The following POLA1 variants were observed in gnomAD, a reference collection of about 807,000 sequenced individuals.
The protein encoded by POLA1 is DNA polymerase alpha catalytic subunit.
POLA1 carries 15 observed loss-of-function variants against 124.0 expected under a neutral mutation model. The ratio of observed to expected loss-of-function variants is 0.12; its 90% CI spans 0.08 to 0.19. The LOEUF (loss-of-function observed/expected upper bound fraction) is 0.19, where lower values mean the gene tolerates loss of function less well. Among genes scored for constraint, POLA1 ranks in the 10% least tolerant of loss-of-function variants. POLA1 has a pLI of 1.00. For missense variants in POLA1, 886 were observed against 1,103.4 expected, an observed-to-expected ratio of 0.80 and a Z score of 2.79; for synonymous variants, 408 against 389.4, an observed-to-expected ratio of 1.05 and a Z score of -0.56.
intron 36 of POLA1, among the ~76,000 whole-genome samples, chrX:24,940,862 GGTGTGAAAATGCCA>G (rs986255012): frequency 9.0e-6 from 1 of 111,629 alleles, no homozygotes; most frequent in Non-Finnish European, 1.9e-5. Flanking sequence ...GTCAGTGAAC[GGTGTGAAAATGCCA>G]GTCCCATTTG....
At chrX:24,892,057 G>A (rs1035935607) in intron 35 of POLA1, among the ~76,000 whole-genome samples, 2 of 111,081 alleles carry the variant, frequency 1.8e-5, no homozygotes, top group Non-Finnish European at 1.9e-5. Context: ...CTGCTGGCTC[G>A]CATTGCCAGA....
intron 36 of POLA1, among the ~76,000 whole-genome samples, chrX:24,963,969 G>A (rs1487647403): frequency 9.0e-6 from 1 of 111,544 alleles, no homozygotes; most frequent in Non-Finnish European, 1.9e-5. Flanking sequence ...TTACTCTTAA[G>A]TTTTTCCCTA....
At chrX:24,866,122 C>G (rs1296729399) in intron 34 of POLA1, among the ~76,000 whole-genome samples, 1 of 111,940 alleles carries the variant, frequency 8.9e-6, no homozygotes, top group Admixed American at 9.4e-5. Context: ...ATTGAAGATT[C>G]AATTGAGAAA....
At chrX:24,903,386 C>A (rs1237742825) in intron 35 of POLA1, among the ~76,000 whole-genome samples, 2 of 112,399 alleles carry the variant, frequency 1.8e-5, no homozygotes, top group African/African-American at 6.5e-5. Context: ...TTTAGAAAGA[C>A]TGATTGGAAC....
intron 4 of POLA1, among the ~76,000 whole-genome samples, chrX:24,706,034 A>G (rs923054481): frequency 9.0e-6 from 1 of 111,586 alleles, no homozygotes; most frequent in African/African-American, 3.3e-5. Context: ...TTAATGCAAA[A>G]TAGGGGGTGA....
intron 1 of POLA1, among the ~76,000 whole-genome samples, chrX:24,694,293 G>T (rs1409530205): frequency 1.8e-5 from 2 of 112,420 alleles, no homozygotes; most frequent in Non-Finnish European, 3.8e-5. Context: ...CCACGTGCTG[G>T]GTATAACTTT....
chrX:24,928,563 TA>T (rs1258820678), intron 35 of POLA1, among the ~76,000 whole-genome samples: 2 of 112,238 alleles, frequency 1.8e-5, no homozygotes, highest in African/African-American at 6.5e-5. Context: ...GCAATTAACA[TA>T]AAAATATAAT....
chrX:24,991,454 T>A (rs2048534864), intron 36 of POLA1, among the ~76,000 whole-genome samples: 1 of 112,697 alleles, frequency 8.9e-6, no homozygotes, highest in Non-Finnish European at 1.9e-5. Context: ...TGGCATTCTT[T>A]ACATTGCTTT....
rs144339758 is a variant in POLA1, at chrX:24,945,647, G to T, written c.4261+15098G>T. Among the ~76,000 whole-genome samples the T allele has an allele frequency of 5.3e-3, 595 of 111,426 alleles. 3 individuals carry two copies. The highest frequency in any genetic ancestry group is 7.3e-3 in the Non-Finnish European group (386 of 53,073). The stretch of plus-strand genomic sequence containing the variant: ...AGTAGGTCTGGGGTGGGACCCAGGC[G>T]GCAGTGTATTTAAAAATCTCCGCAG... On this transcript the variant is annotated intron_variant, in intron 36 of 36. Coordinates refer to ENST00000379068, the MANE Select transcript of POLA1 (RefSeq NM_001330360.2).
At chrX:24,707,960 A>T (rs766083094) in intron 4 of POLA1, among the ~76,000 whole-genome samples, 1 of 112,220 alleles carries the variant, frequency 8.9e-6, no homozygotes, top group Non-Finnish European at 1.9e-5. Flanking sequence ...GTGCCACTGC[A>T]CTCCAGCCTG....
intron 32 of POLA1, among the ~76,000 whole-genome samples, chrX:24,836,211 A>T (rs1194258640): frequency 8.9e-6 from 1 of 111,963 alleles, no homozygotes; most frequent in Non-Finnish European, 1.9e-5. Flanking sequence ...TCCTTTCTGT[A>T]AATTCTGTAT....
chrX:24,813,216 G>A (rs2045933477), intron 29 of POLA1, among the ~76,000 whole-genome samples: 1 of 110,765 alleles, frequency 9.0e-6, no homozygotes, highest in African/African-American at 3.3e-5. Flanking sequence ...GCCTTGTTTT[G>A]TGCTCCTGAA....
In POLA1 at chrX:24,714,538, A is replaced by C. The variant is rs751682486; in HGVS notation, c.347-16A>C. 1.9e-6 allele frequency: 2 copies of C among 1,048,863 alleles called. No individual in the cohort carries two copies. The highest frequency in any genetic ancestry group is 6.1e-5 in the East Asian group (2 of 32,803). The allele number at this position is 1,048,863 out of a possible 1,213,427, so 86.4% of individuals were successfully genotyped here. A position where few individuals can be genotyped will look rare whatever the true frequency, so the allele number is the denominator to read the frequency against. ...TTTTGCTGATGCATGTTTCTAAATA[A>C]TTCATATTCCAATAGGAAAAGATGG... On this transcript the variant is annotated splice_polypyrimidine_tract_variant and intron_variant, in intron 4 of 36. Coordinates refer to ENST00000379068, the MANE Select transcript of POLA1 (RefSeq NM_001330360.2).
At chrX:24,746,630 T>G (rs1457251092) in intron 24 of POLA1, among the ~76,000 whole-genome samples, 1 of 112,297 alleles carries the variant, frequency 8.9e-6, no homozygotes, top group Non-Finnish European at 1.9e-5. Flanking sequence ...GTAAACTTCC[T>G]GACTCCACAT....
At chrX:24,971,814 G>A (rs190031275) in intron 36 of POLA1, among the ~76,000 whole-genome samples, 1 of 111,248 alleles carries the variant, frequency 9.0e-6, no homozygotes, top group African/African-American at 3.3e-5. Flanking sequence ...GAGTGTAAAG[G>A]GTGAATTTAT....
rs1266862767 is a variant in POLA1, at chrX:24,722,343, A to G, written c.1088-812A>G. Among the ~76,000 whole-genome samples, 7 of 112,194 alleles carry G rather than the reference A, an allele frequency of 6.2e-5. No homozygotes were observed. In the East Asian group the frequency reaches 1.9e-3, roughly 31 times the overall value. On this transcript the variant is annotated intron_variant, in intron 10 of 36. Coordinates refer to ENST00000379068, the MANE Select transcript of POLA1 (RefSeq NM_001330360.2). ...TTTCATAAACAATGATTTGATGTCT[A>G]AAAAGGTGTGGTTTTACTTTATGGT...
chrX:24,941,321 T>C (rs1199774551), intron 36 of POLA1, among the ~76,000 whole-genome samples: 1 of 112,420 alleles, frequency 8.9e-6, no homozygotes, highest in Non-Finnish European at 1.9e-5. Context: ...ATAATACAAA[T>C]TTCATTTTGA....
chrX:24,748,732 G>A, intron 25 of POLA1, 138 bp from the exon 26 acceptor site: 1 of 653,645 alleles, frequency 1.5e-6, no homozygotes, highest in Admixed American at 3.4e-5. Context: ...CCAGGAGAAT[G>A]GGTTGAGTAT....
At chrX:24,706,551 T>C (rs753342922) in intron 4 of POLA1, among the ~76,000 whole-genome samples, 1 of 112,355 alleles carries the variant, frequency 8.9e-6, no homozygotes, top group Non-Finnish European at 1.9e-5. Flanking sequence ...TTGGTTGAAA[T>C]CCAACATCAC....
Sources: allele counts gnomAD v4.1 joint callset (sites outside exome capture counted in the v4.1 genomes callset), GRCh38; gene constraint gnomAD v4.1.1; transcripts MANE v1.5; gene names NCBI Gene and HGNC (gene_info 2026-07-23, HGNC 2026-07-21).